Variants in CCSER1 observed in about 807,000 individuals in gnomAD.
CCSER1 encodes coiled-coil serine rich protein 1, also known as serine-rich coiled-coil domain-containing protein 1.
Under a neutral mutation model 82.0 loss-of-function variants are expected in CCSER1, and 41 were observed. The observed-to-expected ratio is 0.50, with a 90% CI of 0.39 to 0.65. The LOEUF is 0.65. CCSER1 is among the 30% of genes least tolerant of loss of function. The pLI is 0.00. For missense variants in CCSER1, 1,119 were observed against 1,064.2 expected (o/e 1.05, Z -0.72); for synonymous variants, 414 against 383.9 (o/e 1.08, Z -0.92).
At chr4:91,497,660 A>T (rs1056865222) in intron 10 of CCSER1, among the ~76,000 whole-genome samples, 1 of 151,784 alleles carries the variant, frequency 6.6e-6, no homozygotes, top group Non-Finnish European at 1.5e-5. Context: ...AAAGCTAGAG[A>T]TAAGGAACAC....
intron 9 of CCSER1, among the ~76,000 whole-genome samples, chr4:91,063,408 GTCA>G (rs2148743801): frequency 6.6e-6 from 1 of 152,214 alleles, no homozygotes; most frequent in Non-Finnish European, 1.5e-5. Context: ...AATTACTATT[GTCA>G]TCATCATTCT....
intron 10 of CCSER1, among the ~76,000 whole-genome samples, chr4:91,285,625 G>T (rs965107830): frequency 6.6e-6 from 1 of 151,830 alleles, no homozygotes; most frequent in Non-Finnish European, 1.5e-5. Flanking sequence ...GTCTTAAGTT[G>T]CAATATTTAC....
intron 6 of CCSER1, among the ~76,000 whole-genome samples, chr4:90,655,926 G>A (rs567498273): frequency 3.3e-5 from 5 of 151,928 alleles, no homozygotes; most frequent in Non-Finnish European, 5.9e-5. Context: ...AATACGTGTG[G>A]CAAGATATTC....
At position 90,912,716 on chromosome 4, in the gene CCSER1, T is replaced by A. The variant is rs191394113; in HGVS notation, c.2095-10654T>A. ...AGCTAAAGGAGGAAGTTCGAACCCA[T>A]GGCAAAGAAGTTAAAAACCTTGAAA... On this transcript the variant is annotated intron_variant, in intron 8 of 10. Transcript: ENST00000509176. Among the ~76,000 whole-genome samples the A allele has an allele frequency of 2.0e-5, 3 of 152,152 alleles. No homozygotes were observed. The East Asian group carries it at 5.8e-4, about 30-fold the overall frequency.
rs114158663 is a variant in CCSER1, at chr4:90,457,386, T to G, written c.1604-10848T>G. ...AACATGCTGACTAGGGGGGCATGTT[T>G]CAGCCCTGTTTGTGCCATTCAGCAG... On this transcript the variant is annotated intron_variant, in intron 4 of 10. Coordinates refer to ENST00000509176, the MANE Select transcript of CCSER1 (RefSeq NM_001145065.2). Among the ~76,000 whole-genome samples the G allele has an allele frequency of 4.0e-3, 603 of 152,296 alleles. 6 individuals carry two copies. Among genetic ancestry groups the G allele is most frequent in the African/African-American group, 0.013 (559 of 41,568 alleles).
At chr4:90,328,289 T>C (rs1561037610) in intron 3 of CCSER1, among the ~76,000 whole-genome samples, 1 of 152,264 alleles carries the variant, frequency 6.6e-6, no homozygotes, top group East Asian at 1.9e-4. Flanking sequence ...TTGGAGTGGA[T>C]ATAGAGAAAT....
chr4:90,506,346 G>A (rs1578860487), intron 5 of CCSER1, among the ~76,000 whole-genome samples: 1 of 152,092 alleles, frequency 6.6e-6, no homozygotes, highest in African/African-American at 2.4e-5. Context: ...AGAACCAGAA[G>A]TAAAATATAA....
intron 1 of CCSER1, among the ~76,000 whole-genome samples, chr4:90,222,179 G>A (rs1018734859): frequency 6.6e-6 from 1 of 152,084 alleles, no homozygotes; most frequent in African/African-American, 2.4e-5. Flanking sequence ...TTGGAGAGGA[G>A]CGTATTTAGA....
chr4:90,229,124 A>T (rs1743887674), intron 1 of CCSER1, among the ~76,000 whole-genome samples: 1 of 152,226 alleles, frequency 6.6e-6, no homozygotes, highest in South Asian at 2.1e-4. Context: ...AGAGAACGCC[A>T]CAAAGCTACT....
intron 9 of CCSER1, among the ~76,000 whole-genome samples, chr4:90,937,480 AACACACAC>A (rs148799317): frequency 6.8e-6 from 1 of 146,034 alleles, no homozygotes; most frequent in African/African-American, 2.7e-5. Context: ...TCTAATTTGA[AACACACAC>A]ACACACACAC....
chr4:90,283,897 A>G (rs1162930805), intron 1 of CCSER1, among the ~76,000 whole-genome samples: 1 of 151,378 alleles, frequency 6.6e-6, no homozygotes, highest in Non-Finnish European at 1.5e-5. Flanking sequence ...TTTTTGAGAA[A>G]CCTCCATAAT....
intron 10 of CCSER1, among the ~76,000 whole-genome samples, chr4:91,095,840 G>T (rs1012578921): frequency 2.0e-4 from 30 of 151,888 alleles, no homozygotes; most frequent in African/African-American, 7.2e-4. Context: ...CCCATTGAGG[G>T]TCTGTTCCTG....
At chr4:90,411,850 C>A (rs1754895635) in intron 4 of CCSER1, among the ~76,000 whole-genome samples, 1 of 152,120 alleles carries the variant, frequency 6.6e-6, no homozygotes, top group South Asian at 2.1e-4. Context: ...TTGCAGATAA[C>A]ATGATTGTAC....
intron 10 of CCSER1, among the ~76,000 whole-genome samples, chr4:91,093,426 A>G (rs1724178743): frequency 1.3e-5 from 2 of 152,226 alleles, no homozygotes; most frequent in Non-Finnish European, 2.9e-5. Context: ...GGGTTTTCAC[A>G]TAGCAAGCTT....
At chr4:90,815,578 T>C (rs1209312463) in intron 7 of CCSER1, among the ~76,000 whole-genome samples, 184 bp from the exon 8 acceptor site, 1 of 150,560 alleles carries the variant, frequency 6.6e-6, no homozygotes, top group Non-Finnish European at 1.5e-5. Context: ...TAAAAGCATT[T>C]TTTGGATACA....
At chr4:91,119,623 C>T (rs1178984177) in intron 10 of CCSER1, among the ~76,000 whole-genome samples, 1 of 151,674 alleles carries the variant, frequency 6.6e-6, no homozygotes, top group Non-Finnish European at 1.5e-5. Flanking sequence ...GTCATTTGTA[C>T]TGATTAGCTG....
chr4:90,922,262 A>G (rs764947200), intron 8 of CCSER1, among the ~76,000 whole-genome samples: 30 of 152,070 alleles, frequency 2.0e-4, no homozygotes, highest in Non-Finnish European at 4.1e-4. Context: ...CCAAGCAGCA[A>G]TGAAGGAAAG....
chr4:91,415,567 T>C (rs1156499326), intron 10 of CCSER1, among the ~76,000 whole-genome samples: 1 of 152,140 alleles, frequency 6.6e-6, no homozygotes, highest in Admixed American at 6.6e-5. Context: ...TGGCTCTTAC[T>C]ATTTTGAGGT....
chr4:91,260,270 C>A (rs574540243), intron 10 of CCSER1, among the ~76,000 whole-genome samples: 86 of 152,256 alleles, frequency 5.6e-4, no homozygotes, highest in African/African-American at 2.0e-3. Flanking sequence ...AACAGCATAA[C>A]ACACTGTTCT....
Sources: allele counts gnomAD v4.1 joint callset (sites outside exome capture counted in the v4.1 genomes callset), GRCh38; gene constraint gnomAD v4.1.1; transcripts MANE v1.5; gene names NCBI Gene and HGNC (gene_info 2026-07-23, HGNC 2026-07-21).